COL10A1: variants seen among roughly 807,000 people sequenced by gnomAD.
COL10A1 encodes the protein collagen type X alpha 1 chain.
In COL10A1, 10 loss-of-function variants were observed where a neutral mutation model predicts 18.2. The ratio of observed to expected loss-of-function variants is 0.55; its 90% CI spans 0.34 to 0.93. The LOEUF is 0.93. Among genes scored for constraint, COL10A1 ranks in the 40% least tolerant of loss-of-function variants. COL10A1 has a pLI of 0.02. For missense variants in COL10A1, 897 were observed against 853.5 expected, an observed-to-expected ratio of 1.05 and a Z score of -0.64; for synonymous variants, 330 against 316.6, an observed-to-expected ratio of 1.04 and a Z score of -0.45.
chr6:116,189,600 T>C, the COL10A1 span, among the ~76,000 whole-genome samples: 1 of 152,138 alleles, frequency 6.6e-6, no homozygotes, highest in South Asian at 2.1e-4. Context: ...AGTTCTTGTG[T>C]ATTAAATAAA....
At chr6:116,143,782 A>G (rs983504496) in intron 1 of COL10A1, among the ~76,000 whole-genome samples, 7 of 152,212 alleles carry the variant, frequency 4.6e-5, no homozygotes, top group African/African-American at 7.2e-5. Context: ...AAAATTAGCT[A>G]TAGTAATTCA....
At chr6:116,191,526 T>C in the COL10A1 span, among the ~76,000 whole-genome samples, 1 of 152,074 alleles carries the variant, frequency 6.6e-6, no homozygotes, top group Non-Finnish European at 1.5e-5. Context: ...AATCACTGTC[T>C]AACTCAAAAA....
chr6:116,214,300 TATAAA>T, the COL10A1 span, among the ~76,000 whole-genome samples: 24 of 152,246 alleles, frequency 1.6e-4, no homozygotes, highest in South Asian at 4.8e-3. Context: ...ATATCCTTCT[TATAAA>T]GGAAATAAAA....
rs1490804745 is a variant in COL10A1 at position 116,120,606 on chromosome 6, GCT to G, written c.1508_1509del (p.Glu503AlafsTer20). 2.1e-5 allele frequency: 33 copies of G among 1,576,292 alleles called. No individual in the cohort carries two copies. The highest frequency in any genetic ancestry group is 2.7e-5 in the Non-Finnish European group (32 of 1,165,962). ...GGCCCAGGGGGCCCTGGAAGACCAG[GCT>G]CTCCAGAGTGGCCTCTTGGACCTGG... ...GPPGPRGHSGEPGLPGPPGPP... is the reference protein window; with the variant it reads ...GPPGPRGHSGXPGLPGPPGPP... On this transcript the variant is annotated frameshift_variant, in exon 3 of 3. Coordinates refer to ENST00000651968, the MANE Select transcript of COL10A1 (RefSeq NM_000493.4). LOFTEE classifies it low-confidence loss of function (END_TRUNC).
the COL10A1 span, among the ~76,000 whole-genome samples, chr6:116,210,767 G>C: frequency 6.6e-6 from 1 of 151,858 alleles, no homozygotes; most frequent in Non-Finnish European, 1.5e-5. Context: ...AATGCCATAG[G>C]AAATTCCTCA....
At chr6:116,180,342 T>G in the COL10A1 span, among the ~76,000 whole-genome samples, 1 of 152,052 alleles carries the variant, frequency 6.6e-6, no homozygotes, top group African/African-American at 2.4e-5. Flanking sequence ...AACTCATTGG[T>G]GCAGGACAGT....
Position 116,125,423 on chromosome 6 carries a change from G to T in COL10A1, c.70C>A (p.Arg24=). 6.2e-7 allele frequency: 1 copy of T among 1,613,774 alleles called. No individual in the cohort carries two copies. Among genetic ancestry groups the T allele is most frequent in the Non-Finnish European group, 8.5e-7 (1 of 1,179,826 alleles). ...TTTATGCCTGTGGGCATTTGGTATC[G>T]TTCAGCGTAAAACACTCCATGAACC... ...NLVHGVFYAE[R]YQMPTGIKGP... Residue 24 remains arginine (R), a synonymous_variant, in exon 2 of 3, where the codon CGA becomes AGA. Coordinates refer to ENST00000651968, the MANE Select transcript of COL10A1 (RefSeq NM_000493.4).
chr6:116,139,189 GA>G (rs1779701617), intron 1 of COL10A1, among the ~76,000 whole-genome samples: 1 of 152,086 alleles, frequency 6.6e-6, no homozygotes. Context: ...AAGAGTTTTG[GA>G]GCCCATGGGA....
chr6:116,120,515 A>G lies in COL10A1; in HGVS notation c.1601T>C (p.Leu534Pro), dbSNP rs1480859809. The G allele has an allele frequency of 6.2e-7, 1 of 1,614,164 alleles. No individual in the cohort carries two copies. Among genetic ancestry groups the G allele is most frequent in the Admixed American group, 1.7e-5 (1 of 60,026 alleles). The change falls in exon 3 of 3, where the codon CTT becomes CCT. Residue 534 changes from leucine to proline, a missense_variant. Leu to Pro is a moderately conservative substitution (Grantham distance 98). Coordinates refer to ENST00000651968, the MANE Select transcript of COL10A1 (RefSeq NM_000493.4). ...GFIKAGQRPS[L>P]SGTPLVSANQ... ...GGCACTAACAAGAGGGGTCCCAGAA[A>G]GACTGGGCCTTTGGCCTGCCTTTAT... is the stretch of plus-strand genomic sequence containing the variant.
the COL10A1 span, among the ~76,000 whole-genome samples, chr6:116,180,026 T>G: frequency 2.0e-5 from 3 of 152,126 alleles, no homozygotes; most frequent in Non-Finnish European, 2.9e-5. Context: ...AATCTTGTTT[T>G]TTATTGCAAA....
intron 2 of COL10A1, among the ~76,000 whole-genome samples, chr6:116,124,246 A>G (rs764669040): frequency 6.6e-6 from 1 of 152,132 alleles, no homozygotes; most frequent in African/African-American, 2.4e-5. Context: ...TTTAAACTTT[A>G]TAACAAATAT....
intron 1 of COL10A1, among the ~76,000 whole-genome samples, chr6:116,148,627 T>C (rs1216566591): frequency 6.6e-6 from 1 of 152,200 alleles, no homozygotes; most frequent in Non-Finnish European, 1.5e-5. Context: ...CATCAGGTTT[T>C]TTTTGGTTAA....
chr6:116,193,087 C>T, the COL10A1 span, among the ~76,000 whole-genome samples: 1 of 152,032 alleles, frequency 6.6e-6, no homozygotes, highest in Admixed American at 6.6e-5. Context: ...TACAGACTCT[C>T]ATATATTACC....
At chr6:116,196,498 T>A in the COL10A1 span, among the ~76,000 whole-genome samples, 7 of 152,188 alleles carry the variant, frequency 4.6e-5, no homozygotes, top group African/African-American at 1.7e-4. Context: ...AAAAGTTTTC[T>A]CTTTGCCATT....
the COL10A1 span, among the ~76,000 whole-genome samples, chr6:116,173,494 G>A: frequency 2.6e-5 from 4 of 152,034 alleles, no homozygotes; most frequent in Non-Finnish European, 5.9e-5. Flanking sequence ...CTTTAGAGCA[G>A]AGAGCTTCAT....
intron 1 of COL10A1, among the ~76,000 whole-genome samples, chr6:116,145,734 AATTT>A (rs1779882716): frequency 6.6e-6 from 1 of 152,144 alleles, no homozygotes; most frequent in African/African-American, 2.4e-5. Flanking sequence ...TCATTTTTTG[AATTT>A]ATTTTTCATT....
the COL10A1 span, among the ~76,000 whole-genome samples, chr6:116,178,096 CGCGCGCGT>C: frequency 0.088 from 9,420 of 107,416 alleles, 384 homozygotes; most frequent in African/African-American, 0.15. Flanking sequence ...TGTGCGCGCG[CGCGCGCGT>C]GCGTGCGTGT....
At chr6:116,183,231 G>T in the COL10A1 span, among the ~76,000 whole-genome samples, 1 of 151,900 alleles carries the variant, frequency 6.6e-6, no homozygotes, top group Non-Finnish European at 1.5e-5. Context: ...CCATTGGTCT[G>T]TGTGCCCGTT....
intron 1 of COL10A1, among the ~76,000 whole-genome samples, chr6:116,150,118 T>G (rs968592800): frequency 6.6e-6 from 1 of 152,126 alleles, no homozygotes; most frequent in African/African-American, 2.4e-5. Context: ...GTCGAGTCTT[T>G]GACAAGGGCA....
Sources: allele counts gnomAD v4.1 joint callset (sites outside exome capture counted in the v4.1 genomes callset), GRCh38; gene constraint gnomAD v4.1.1; transcripts MANE v1.5; gene names NCBI Gene and HGNC (gene_info 2026-07-23, HGNC 2026-07-21).